Variants in PKIG observed in about 807,000 individuals in gnomAD.
The protein encoded by PKIG is protein kinase (cAMP-dependent, catalytic) inhibitor gamma.
PKIG carries 1 observed loss-of-function variant against 6.8 expected under a neutral mutation model. That is an observed-to-expected ratio of 0.15 (90% confidence interval 0.05 to 0.69). The LOEUF (loss-of-function observed/expected upper bound fraction) is 0.69, where lower values mean the gene tolerates loss of function less well. PKIG is among the 30% of genes least tolerant of loss of function. The pLI is 0.82. For synonymous variants in PKIG, 39 were observed against 43.0 expected (o/e 0.91, Z 0.36); for missense variants, 77 against 104.0 (o/e 0.74, Z 1.13).
intron 1 of PKIG, among the ~76,000 whole-genome samples, chr20:44,563,527 TTTC>T (rs1458927503): frequency 3.3e-5 from 5 of 152,050 alleles, no homozygotes; most frequent in African/African-American, 1.2e-4. Flanking sequence ...GTCGTGTCAA[TTTC>T]TTGTTTTTCT....
At chr20:44,606,269 T>C (rs2065162788) in intron 2 of PKIG, among the ~76,000 whole-genome samples, 1 of 152,188 alleles carries the variant, frequency 6.6e-6, no homozygotes, top group Non-Finnish European at 1.5e-5. Flanking sequence ...GGTTCACTCC[T>C]AGGAGCAGTA....
chr20:44,605,531 G>C (rs929848073), intron 2 of PKIG, among the ~76,000 whole-genome samples: 3 of 151,976 alleles, frequency 2.0e-5, no homozygotes, highest in Admixed American at 2.0e-4. Context: ...TTTGAGATAG[G>C]TAGAAAAAAT....
At chr20:44,607,371 ATATATATTTT>A (rs2065173484) in intron 2 of PKIG, among the ~76,000 whole-genome samples, 1 of 113,150 alleles carries the variant, frequency 8.8e-6, no homozygotes, top group African/African-American at 4.3e-5. Context: ...ATATATATAT[ATATATATTTT>A]TTTTTTTTTT....
chr20:44,544,925 CTTTTTTTTTTTTTTTTTTTTT>C (rs796482642), intron 1 of PKIG, among the ~76,000 whole-genome samples: 5 of 64,370 alleles, frequency 7.8e-5, no homozygotes, highest in Non-Finnish European at 1.4e-4. Flanking sequence ...TTCCTTCTTT[CTTTTTTTTTTTTTTTTTTTTT>C]TTTTTTTGAG....
intron 2 of PKIG, among the ~76,000 whole-genome samples, chr20:44,594,686 G>A (rs244102): frequency 0.22 from 33,078 of 151,688 alleles, 4,678 homozygotes; most frequent in African/African-American, 0.4. Context: ...ACCCCTCTTC[G>A]GCTCTGTCTC....
chr20:44,569,141 T>C (rs1319222621), intron 1 of PKIG, among the ~76,000 whole-genome samples: 1 of 152,220 alleles, frequency 6.6e-6, no homozygotes, highest in Non-Finnish European at 1.5e-5. Context: ...AAATTGCCCT[T>C]TAGGAATGTT....
intron 2 of PKIG, among the ~76,000 whole-genome samples, chr20:44,608,084 A>G (rs1345695898): frequency 6.6e-6 from 1 of 152,218 alleles, no homozygotes; most frequent in Non-Finnish European, 1.5e-5. Flanking sequence ...GAAGGACACC[A>G]AAACGTGCTT....
chr20:44,535,842 A>G (rs1362382044), intron 1 of PKIG, among the ~76,000 whole-genome samples: 1 of 152,216 alleles, frequency 6.6e-6, no homozygotes, highest in African/African-American at 2.4e-5. Flanking sequence ...CATCTTAACG[A>G]TTTTTAAGTT....
At chr20:44,575,865 C>T (rs2064892404) in intron 1 of PKIG, among the ~76,000 whole-genome samples, 1 of 152,118 alleles carries the variant, frequency 6.6e-6, no homozygotes, top group Non-Finnish European at 1.5e-5. Flanking sequence ...AATTTTTTGG[C>T]CCTTCTGAAT....
At chr20:44,576,576 G>T (rs1345900004) in intron 1 of PKIG, among the ~76,000 whole-genome samples, 1 of 152,120 alleles carries the variant, frequency 6.6e-6, no homozygotes, top group Non-Finnish European at 1.5e-5. Context: ...GCAAGTGAGA[G>T]CCTCAAACCT....
chr20:44,579,119 T>C (rs1384277862), upstream of PKIG, among the ~76,000 whole-genome samples: 5 of 152,336 alleles, frequency 3.3e-5, no homozygotes, highest in African/African-American at 1.2e-4. Context: ...TCTCATAATA[T>C]GTACAAAATG....
intron 2 of PKIG, among the ~76,000 whole-genome samples, chr20:44,603,361 T>C (rs1366369436): frequency 3.3e-5 from 5 of 152,196 alleles, no homozygotes; most frequent in African/African-American, 7.2e-5. Flanking sequence ...CACCATCTTA[T>C]TGAATCTTCA....
chr20:44,584,637 C>A (rs1301911696), intron 1 of PKIG, among the ~76,000 whole-genome samples: 2 of 151,778 alleles, frequency 1.3e-5, no homozygotes, highest in Non-Finnish European at 2.9e-5. Context: ...AGACCCTAAT[C>A]CTCAGGAAGT....
chr20:44,543,582 A>G (rs1481404114), intron 1 of PKIG, among the ~76,000 whole-genome samples: 1 of 152,164 alleles, frequency 6.6e-6, no homozygotes, highest in African/African-American at 2.4e-5. Context: ...TGATACAGCC[A>G]AACTTGTCCT....
At chr20:44,565,080 G>A (rs1310291888) in intron 1 of PKIG, among the ~76,000 whole-genome samples, 2 of 152,136 alleles carry the variant, frequency 1.3e-5, no homozygotes, top group African/African-American at 4.8e-5. Context: ...TGACCTGGGC[G>A]CTTATGAAAA....
At chr20:44,551,778 A>G (rs2064670921) in intron 1 of PKIG, among the ~76,000 whole-genome samples, 1 of 152,220 alleles carries the variant, frequency 6.6e-6, no homozygotes, top group South Asian at 2.1e-4. Context: ...CCTTATCATC[A>G]TGATTCAGAG....
At chr20:44,545,621 G>A (rs767675699) in intron 1 of PKIG, among the ~76,000 whole-genome samples, 121 of 152,168 alleles carry the variant, frequency 8.0e-4, no homozygotes, top group Admixed American at 2.1e-3. Flanking sequence ...AGGAGTTTGA[G>A]ACCAATCTGG....
intron 1 of PKIG, among the ~76,000 whole-genome samples, chr20:44,577,480 A>T (rs559790367): frequency 2.0e-5 from 3 of 152,138 alleles, no homozygotes; most frequent in Non-Finnish European, 4.4e-5. Flanking sequence ...CTGGGGCCTT[A>T]CACCAGGATT....
At chr20:44,539,180 ACCT>A (rs1167799267) in intron 1 of PKIG, among the ~76,000 whole-genome samples, 1 of 151,952 alleles carries the variant, frequency 6.6e-6, no homozygotes, top group Non-Finnish European at 1.5e-5. Context: ...CTGCCCGCCC[ACCT>A]CAGCCTCCCA....
Sources: allele counts gnomAD v4.1 joint callset (sites outside exome capture counted in the v4.1 genomes callset), GRCh38; gene constraint gnomAD v4.1.1; transcripts MANE v1.5; gene names NCBI Gene and HGNC (gene_info 2026-07-23, HGNC 2026-07-21).